WWOX: variants seen among roughly 807,000 people sequenced by gnomAD.
WWOX encodes WW domain-containing oxidoreductase.
WWOX carries 69 observed loss-of-function variants against 46.2 expected under a neutral mutation model. That is an observed-to-expected ratio of 1.49 (90% CI 1.23 to 1.82). The LOEUF (loss-of-function observed/expected upper bound fraction) is 1.82, where lower values mean the gene tolerates loss of function less well. Among genes scored for constraint, WWOX ranks in the 40% most tolerant of loss-of-function variants. WWOX has a pLI of 0.00. For missense variants in WWOX, 919 were observed against 542.6 expected, an observed-to-expected ratio of 1.69 and a Z score of -6.89; for synonymous variants, 359 against 202.6, an observed-to-expected ratio of 1.77 and a Z score of -6.56.
chr16:78,127,514 C>CG (rs954422275), intron 4 of WWOX, among the ~76,000 whole-genome samples: 5 of 55,542 alleles, frequency 9.0e-5, no homozygotes, highest in Non-Finnish European at 1.7e-4. Context: ...GAATAATCAA[C>CG]GGAAAAAAAA....
chr16:78,144,429 C>CTATATACATATATATATATATATATA (rs2034094163), intron 4 of WWOX, among the ~76,000 whole-genome samples: 11 of 15,398 alleles, frequency 7.1e-4, no homozygotes, highest in South Asian at 2.8e-3. Context: ...TTTGCCATTA[C>CTATATACATATATATATATATATATA]TATATATATA....
At chr16:78,972,191 C>T (rs375198062) in intron 8 of WWOX, among the ~76,000 whole-genome samples, 2 of 152,246 alleles carry the variant, frequency 1.3e-5, no homozygotes, top group African/African-American at 2.4e-5. Context: ...GGCTCCCTGG[C>T]CATCAGCTGC....
At chr16:78,951,214 T>C (rs529843644) in intron 8 of WWOX, among the ~76,000 whole-genome samples, 1 of 152,314 alleles carries the variant, frequency 6.6e-6, no homozygotes, top group South Asian at 2.1e-4. Flanking sequence ...CGGTCATAAT[T>C]CTATTTCTCT....
chr16:78,935,645 T>C (rs1233088125), intron 8 of WWOX, among the ~76,000 whole-genome samples: 2 of 151,590 alleles, frequency 1.3e-5, no homozygotes, highest in Non-Finnish European at 1.5e-5. Flanking sequence ...TTAGGAGATA[T>C]ATCTAATGTA....
At chr16:79,035,700 G>A (rs778409639) in intron 8 of WWOX, among the ~76,000 whole-genome samples, 12 of 152,054 alleles carry the variant, frequency 7.9e-5, no homozygotes, top group Non-Finnish European at 1.8e-4. Context: ...CACCATGCCT[G>A]GCTAATGTTT....
intron 5 of WWOX, among the ~76,000 whole-genome samples, chr16:78,368,980 C>G (rs1371326891): frequency 6.6e-6 from 1 of 152,158 alleles, no homozygotes; most frequent in African/African-American, 2.4e-5. Context: ...CTCTGCATTT[C>G]TCAGTCTCCC....
At chr16:78,605,967 T>C (rs185740797) in intron 8 of WWOX, among the ~76,000 whole-genome samples, 63 of 152,338 alleles carry the variant, frequency 4.1e-4, no homozygotes, top group Middle Eastern at 6.8e-3. Context: ...CTGAATTGAA[T>C]GGGCAGCTTT....
intron 8 of WWOX, among the ~76,000 whole-genome samples, chr16:78,918,786 T>C (rs923969392): frequency 6.6e-6 from 1 of 152,194 alleles, no homozygotes; most frequent in Non-Finnish European, 1.5e-5. Flanking sequence ...AAGTTACTTG[T>C]CTAAGCTCTA....
intron 5 of WWOX, among the ~76,000 whole-genome samples, chr16:78,362,002 A>T (rs1188095431): frequency 3.0e-5 from 4 of 133,244 alleles, no homozygotes; most frequent in Non-Finnish European, 4.8e-5. Flanking sequence ...TAATACCTCC[A>T]TTTATTCTGT....
At chr16:78,862,904 C>T (rs574212000) in intron 8 of WWOX, among the ~76,000 whole-genome samples, 4 of 151,954 alleles carry the variant, frequency 2.6e-5, no homozygotes, top group South Asian at 4.2e-4. Context: ...ATCTGGGTAT[C>T]CTGTGGCCCA....
At chr16:78,443,135 C>CAA (rs759618827) in intron 8 of WWOX, among the ~76,000 whole-genome samples, 616 of 39,934 alleles carry the variant, frequency 0.015, 36 homozygotes, top group African/African-American at 0.046. Flanking sequence ...GACTCCATCT[C>CAA]AAAAAAAAAA....
At chr16:78,854,198 C>T (rs1311115888) in intron 8 of WWOX, among the ~76,000 whole-genome samples, 1 of 152,112 alleles carries the variant, frequency 6.6e-6, no homozygotes, top group Non-Finnish European at 1.5e-5. Flanking sequence ...GTTCTTTCTA[C>T]TCTAACTACT....
rs945469935 is a variant in WWOX at position 78,347,282 on chromosome 16, A to G, written c.517-39578A>G. ...TGTTGACCCTTTCTCCCTCTGGCCA[A>G]TGCTCCTTCCCCTGTAGATCATACC... On this transcript the variant is annotated intron_variant, in intron 5 of 8. Coordinates refer to ENST00000566780, the MANE Select transcript of WWOX (RefSeq NM_016373.4). Among the ~76,000 whole-genome samples, 7 of 114,064 alleles carry G rather than the reference A, an allele frequency of 6.1e-5. 2 individuals carry two copies. Among genetic ancestry groups the G allele is most frequent in the Admixed American group, 8.7e-5 (1 of 11,478 alleles). The allele number at this position is 114,064 out of a possible 152,430, so 74.8% of individuals were successfully genotyped here.
chr16:79,177,194 G>C (rs944045792), intron 8 of WWOX, among the ~76,000 whole-genome samples: 9 of 152,150 alleles, frequency 5.9e-5, no homozygotes, highest in African/African-American at 2.2e-4. Flanking sequence ...AGTGTGAAAA[G>C]AGAGACGTGG....
chr16:78,761,515 T>G lies in WWOX; in HGVS notation c.1056+328763T>G, dbSNP rs113257927. Among the ~76,000 whole-genome samples the G allele has an allele frequency of 8.1e-3, 1,240 of 152,278 alleles. 17 individuals are homozygous for G. The highest frequency in any genetic ancestry group is 0.028 in the African/African-American group (1,171 of 41,550). ...TAGTGGTTGGTCTGCTGCTTTTCTTTCTCTGCTCATCTACCCTGATAGTTT... is the reference window on the plus strand; with the variant it reads ...TAGTGGTTGGTCTGCTGCTTTTCTTGCTCTGCTCATCTACCCTGATAGTTT... On this transcript the variant is annotated intron_variant, in intron 8 of 8. Transcript: ENST00000566780.
At chr16:78,331,487 G>A (rs1161570787) in intron 5 of WWOX, among the ~76,000 whole-genome samples, 2 of 152,120 alleles carry the variant, frequency 1.3e-5, no homozygotes, top group Non-Finnish European at 2.9e-5. Context: ...GACCGTCTTC[G>A]TAATATAGCT....
intron 8 of WWOX, among the ~76,000 whole-genome samples, chr16:78,974,949 G>T (rs1219463573): frequency 6.6e-6 from 1 of 152,140 alleles, no homozygotes; most frequent in Non-Finnish European, 1.5e-5. Flanking sequence ...GGCCTCTCCG[G>T]ACCCAAAGGG....
intron 5 of WWOX, among the ~76,000 whole-genome samples, chr16:78,276,415 T>G (rs1481789051): frequency 6.6e-6 from 1 of 152,138 alleles, no homozygotes; most frequent in Admixed American, 6.5e-5. Context: ...CACATACAAT[T>G]TAATCAGGCA....
intron 8 of WWOX, among the ~76,000 whole-genome samples, chr16:78,970,088 C>G (rs972137299): frequency 6.6e-6 from 1 of 152,036 alleles, no homozygotes; most frequent in African/African-American, 2.4e-5. Context: ...TCCCAAGTGC[C>G]CTCATTTAAG....
Sources: allele counts gnomAD v4.1 joint callset (sites outside exome capture counted in the v4.1 genomes callset), GRCh38; gene constraint gnomAD v4.1.1; transcripts MANE v1.5; gene names NCBI Gene and HGNC (gene_info 2026-07-23, HGNC 2026-07-21).